Variants in EIF2B3 observed in about 807,000 individuals in gnomAD.
EIF2B3 encodes the protein translation initiation factor eIF2B subunit gamma.
Under a neutral mutation model 54.1 loss-of-function variants are expected in EIF2B3, and 20 were observed. The observed-to-expected ratio is 0.37, with a 90% CI of 0.26 to 0.54. The LOEUF is 0.54. EIF2B3 is among the 20% of genes least tolerant of loss of function. EIF2B3 has a pLI of 0.86. For synonymous variants in EIF2B3, 153 were observed against 188.1 expected (o/e 0.81, Z 1.52); for missense variants, 448 against 547.8 (o/e 0.82, Z 1.82).
At chr1:44,940,115 T>C (rs1469647783) in intron 4 of EIF2B3, among the ~76,000 whole-genome samples, 1 of 152,168 alleles carries the variant, frequency 6.6e-6, no homozygotes, top group East Asian at 1.9e-4. Context: ...AATGTTATAC[T>C]GGAAAATTAT....
intron 3 of EIF2B3, among the ~76,000 whole-genome samples, chr1:44,960,965 G>C (rs1644278769): frequency 6.6e-6 from 1 of 151,898 alleles, no homozygotes; most frequent in African/African-American, 2.4e-5. Context: ...ATGTGTTACT[G>C]ATCTCAAGAG....
chr1:44,865,667 C>T (rs1337298096), intron 10 of EIF2B3, among the ~76,000 whole-genome samples: 1 of 151,996 alleles, frequency 6.6e-6, no homozygotes, highest in African/African-American at 2.4e-5. Context: ...CTGCAACCTC[C>T]ACCTTCCGGG....
At chr1:44,927,874 G>C (rs1258615741) in intron 4 of EIF2B3, among the ~76,000 whole-genome samples, 1 of 152,092 alleles carries the variant, frequency 6.6e-6, no homozygotes, top group Non-Finnish European at 1.5e-5. Flanking sequence ...TACAAAGAAA[G>C]AGAGAGTGGC....
intron 4 of EIF2B3, among the ~76,000 whole-genome samples, chr1:44,926,960 G>T (rs538395712): frequency 6.6e-6 from 1 of 150,952 alleles, no homozygotes; most frequent in Admixed American, 6.6e-5. Context: ...CATGGCGAAA[G>T]ACTGTCTCTA....
chr1:44,946,844 C>CA (rs1452685182), intron 3 of EIF2B3, among the ~76,000 whole-genome samples: 1 of 152,016 alleles, frequency 6.6e-6, no homozygotes. Context: ...TCTAGGAATG[C>CA]AAATGGCTTT....
chr1:44,984,413 AGG>A (rs1397664050), intron 1 of EIF2B3, among the ~76,000 whole-genome samples: 4 of 150,712 alleles, frequency 2.7e-5, no homozygotes, highest in African/African-American at 9.8e-5. Flanking sequence ...TGAGCCTGGG[AGG>A]TTAAGGCTGC....
chr1:44,943,440 G>A (rs569857913), intron 3 of EIF2B3, among the ~76,000 whole-genome samples: 1 of 149,196 alleles, frequency 6.7e-6, no homozygotes, highest in African/African-American at 2.4e-5. Flanking sequence ...GTTTTTTTGA[G>A]ACAGGGTCTT....
At chr1:44,910,836 C>T (rs1300685694) in intron 5 of EIF2B3, among the ~76,000 whole-genome samples, 1 of 151,764 alleles carries the variant, frequency 6.6e-6, no homozygotes, top group African/African-American at 2.4e-5. Context: ...GTCCTTTTCT[C>T]TCTCTCTTTC....
chr1:44,936,039 C>T (rs1643943270), intron 4 of EIF2B3, among the ~76,000 whole-genome samples: 1 of 151,064 alleles, frequency 6.6e-6, no homozygotes, highest in Non-Finnish European at 1.5e-5. Flanking sequence ...TTCACCCTTT[C>T]ACTCAGTAAG....
At chr1:44,879,279 T>G (rs549148422) in intron 8 of EIF2B3, among the ~76,000 whole-genome samples, 1 of 152,092 alleles carries the variant, frequency 6.6e-6, no homozygotes, top group African/African-American at 2.4e-5. Flanking sequence ...AGCTATTTGT[T>G]CCCCATATCT....
At position 44,950,204 on chromosome 1, in the gene EIF2B3, T is replaced by C. The variant is rs373264643; in HGVS notation, c.295-8539A>G. Among the ~76,000 whole-genome samples, 157 of 152,228 alleles carry C rather than the reference T, an allele frequency of 1.0e-3. 3 individuals carry two copies. The South Asian group carries it at 0.03, about 29-fold the overall frequency. On this transcript the variant is annotated intron_variant, in intron 3 of 11. Coordinates refer to ENST00000360403, the MANE Select transcript of EIF2B3 (RefSeq NM_020365.5). ...TTGGGAGGCCAAGGTGGGAGAACTG[T>C]TTGAGGCCAGGAGTTTGAAACCAGC...
At chr1:44,985,000 G>A (rs897826465) in intron 1 of EIF2B3, among the ~76,000 whole-genome samples, 57 of 150,500 alleles carry the variant, frequency 3.8e-4, no homozygotes, top group African/African-American at 1.4e-3. Flanking sequence ...TAGAGACGGG[G>A]TTTCACCTTG....
At chr1:44,936,251 A>G (rs1643945542) in intron 4 of EIF2B3, among the ~76,000 whole-genome samples, 1 of 152,018 alleles carries the variant, frequency 6.6e-6, no homozygotes, top group South Asian at 2.1e-4. Context: ...CATTCTAGAA[A>G]ATGCTAGAAA....
intron 10 of EIF2B3, chr1:44,863,271 G>A (rs1452074780): frequency 6.6e-6 from 1 of 152,220 alleles, no homozygotes; most frequent in African/African-American, 2.4e-5. Flanking sequence ...TTATGGCTGA[G>A]TCACCCATAA....
At chr1:44,906,561 C>T (rs1382512997) in intron 5 of EIF2B3, among the ~76,000 whole-genome samples, 8 of 152,308 alleles carry the variant, frequency 5.3e-5, no homozygotes, top group South Asian at 4.1e-4. Flanking sequence ...CCACCATACC[C>T]GGCTCATTTT....
At chr1:44,872,523 G>A (rs148408464) in intron 10 of EIF2B3, among the ~76,000 whole-genome samples, 30 of 152,074 alleles carry the variant, frequency 2.0e-4, no homozygotes, top group Non-Finnish European at 3.1e-4. Flanking sequence ...GGTGGTGTGC[G>A]CCTGTAGTCC....
chr1:44,942,811 T>C (rs1644051854), intron 3 of EIF2B3, among the ~76,000 whole-genome samples: 1 of 152,018 alleles, frequency 6.6e-6, no homozygotes, highest in Non-Finnish European at 1.5e-5. Context: ...TGGCCAGGAA[T>C]TGTGATAACA....
At chr1:44,900,781 A>G (rs72676504) in intron 5 of EIF2B3, among the ~76,000 whole-genome samples, 22,825 of 152,144 alleles carry the variant, frequency 0.15, 1,830 homozygotes, top group Non-Finnish European at 0.17. Flanking sequence ...GGTGTGAAGC[A>G]GTATCATCAA....
At chr1:44,958,362 A>C (rs1644249456) in intron 3 of EIF2B3, among the ~76,000 whole-genome samples, 1 of 152,202 alleles carries the variant, frequency 6.6e-6, no homozygotes, top group Non-Finnish European at 1.5e-5. Flanking sequence ...CCTGTGGTTC[A>C]ACTTGATTTC....
Sources: gnomAD v4.1 joint callset for allele counts (sites outside exome capture counted in the v4.1 genomes callset) on GRCh38, gnomAD v4.1.1 for gene constraint, MANE v1.5 for transcripts, NCBI Gene and HGNC (gene_info 2026-07-23, HGNC 2026-07-21) for gene names.